OCRL: variants seen among roughly 807,000 people sequenced by gnomAD.
OCRL encodes the protein OCRL inositol polyphosphate-5-phosphatase.
Under a neutral mutation model 78.9 loss-of-function variants are expected in OCRL, and 8 were observed. That is an observed-to-expected ratio of 0.10 (90% CI 0.06 to 0.18). OCRL has a LOEUF of 0.18. Ranked by LOEUF, OCRL falls within the 10% of genes least tolerant of loss-of-function variation. OCRL has a pLI of 1.00. For synonymous variants in OCRL, 240 were observed against 235.4 expected (o/e 1.02, Z -0.18); for missense variants, 454 against 696.7 (o/e 0.65, Z 3.92).
At position 129,550,225 on chromosome X, in the gene OCRL, C is replaced by A. The variant is rs749616897; in HGVS notation, c.238+1624C>A. Among the ~76,000 whole-genome samples, 3 of 112,250 alleles carry A rather than the reference C, an allele frequency of 2.7e-5. No individual in the cohort carries two copies. The South Asian group carries it at 1.1e-3, about 41-fold the overall frequency. On this transcript the variant is annotated intron_variant, in intron 4 of 23. Coordinates refer to ENST00000371113, the MANE Select transcript of OCRL (RefSeq NM_000276.4). ...AAAGTATCAAATTAAGATTATTTTCCTGCAATCTAGAGATCACCACTGTGG... is the reference window on the plus strand; with the variant it reads ...AAAGTATCAAATTAAGATTATTTTCATGCAATCTAGAGATCACCACTGTGG...
intron 15 of OCRL, among the ~76,000 whole-genome samples, chrX:129,573,774 G>A (rs1374576087): frequency 3.6e-5 from 4 of 111,096 alleles, no homozygotes; most frequent in Admixed American, 9.5e-5. Context: ...TGGCTGGGGT[G>A]GTTTCGAACT....
chrX:129,541,133 G>A (rs1935792766), intron 2 of OCRL, among the ~76,000 whole-genome samples: 1 of 112,095 alleles, frequency 8.9e-6, no homozygotes, highest in Non-Finnish European at 1.9e-5. Flanking sequence ...AAGCTTTCTG[G>A]GCCAAAGTTA....
chrX:129,564,363 A>G (rs1331094167), intron 12 of OCRL, among the ~76,000 whole-genome samples: 1 of 110,142 alleles, frequency 9.1e-6, no homozygotes. Context: ...CAGCCATCCC[A>G]TTACTGGGTA....
intron 18 of OCRL, among the ~76,000 whole-genome samples, chrX:129,581,831 TTCTCTCTCTC>T (rs753415077): frequency 1.5e-5 from 1 of 65,598 alleles, no homozygotes; most frequent in Non-Finnish European, 2.5e-5. Context: ...CCCTTTGTCT[TTCTCTCTCTC>T]TCTCTCTCTC....
intron 14 of OCRL, 122 bp from the exon 15 acceptor site, chrX:129,569,139 AAGG>A (rs1665976961): frequency 3.9e-6 from 3 of 778,405 alleles, no homozygotes; most frequent in Non-Finnish European, 5.9e-6. Flanking sequence ...GTTGTTAGGG[AAGG>A]AGAAGTACAC....
At chrX:129,551,138 A>G (rs1312381418) in intron 4 of OCRL, among the ~76,000 whole-genome samples, 2 of 111,350 alleles carry the variant, frequency 1.8e-5, no homozygotes, top group Non-Finnish European at 3.8e-5. Flanking sequence ...TATTCAACAA[A>G]TATTTGTTGA....
At chrX:129,577,292 T>C (rs1341399636) in intron 18 of OCRL, among the ~76,000 whole-genome samples, 2 of 111,786 alleles carry the variant, frequency 1.8e-5, no homozygotes, top group African/African-American at 6.5e-5. Flanking sequence ...GGAGGTTGAT[T>C]TTCCCACCTC....
At chrX:129,567,588 G>A (rs1936234124) in intron 14 of OCRL, among the ~76,000 whole-genome samples, 1 of 112,327 alleles carries the variant, frequency 8.9e-6, no homozygotes, top group Non-Finnish European at 1.9e-5. Context: ...TGTCAAGATT[G>A]TTGAAGTTTT....
chrX:129,544,063 G>A (rs1032012701), intron 2 of OCRL, among the ~76,000 whole-genome samples: 21 of 110,384 alleles, frequency 1.9e-4, no homozygotes, highest in Non-Finnish European at 9.4e-5. Flanking sequence ...CATGGAGGAG[G>A]TGATATTTGA....
chrX:129,570,419 T>C (rs1386377859), intron 15 of OCRL, among the ~76,000 whole-genome samples: 1 of 112,028 alleles, frequency 8.9e-6, no homozygotes, highest in Non-Finnish European at 1.9e-5. Flanking sequence ...AGTTCGGACA[T>C]GTGAAGAGCA....
intron 14 of OCRL, among the ~76,000 whole-genome samples, chrX:129,568,271 A>T: frequency 9.0e-6 from 1 of 111,599 alleles, no homozygotes; most frequent in South Asian, 3.8e-4. Context: ...GTAAGTTCTT[A>T]GTGAGTATTT....
chrX:129,548,384 C>T (rs377371026), intron 3 of OCRL, among the ~76,000 whole-genome samples, 179 bp from the exon 4 acceptor site: 12 of 111,376 alleles, frequency 1.1e-4, no homozygotes, highest in African/African-American at 3.9e-4. Flanking sequence ...TCTTTAGAAC[C>T]CAGTGCTATA....
Position 129,540,261 on chromosome X carries a change from C to T in OCRL, c.-179C>T. On this transcript the variant is annotated 5_prime_UTR_variant, in exon 1 of 24. Coordinates refer to ENST00000371113, the MANE Select transcript of OCRL (RefSeq NM_000276.4). ...TGGCGGGGGCGCGAGGCGCCGCTCT[C>T]TCTTGGGTCAGATTCTCAGCTCCCA... is the stretch of plus-strand genomic sequence containing the variant. The T allele has an allele frequency of 1.9e-6, 1 of 523,781 alleles. No individual in the cohort carries two copies. Among genetic ancestry groups the T allele is most frequent in the South Asian group, 2.8e-5 (1 of 35,240 alleles). 43.2% of individuals were successfully genotyped at this position (523,781 alleles called of 1,213,427 possible). A position where few individuals can be genotyped will look rare whatever the true frequency, so the allele number is the denominator to read the frequency against.
At chrX:129,571,356 T>G (rs755971509) in intron 15 of OCRL, among the ~76,000 whole-genome samples, 302 of 106,059 alleles carry the variant, frequency 2.8e-3, no homozygotes, top group African/African-American at 9.9e-3. Context: ...TTGTTTTTTG[T>G]TTTTTGGTTT....
At chrX:129,566,610 T>G (rs1007632873) in intron 13 of OCRL, among the ~76,000 whole-genome samples, 3 of 112,470 alleles carry the variant, frequency 2.7e-5, no homozygotes, top group African/African-American at 9.7e-5. Context: ...TTTGACTTCA[T>G]TCGAATAATC....
At chrX:129,581,765 A>G (rs984637747) in intron 18 of OCRL, among the ~76,000 whole-genome samples, 3 of 96,988 alleles carry the variant, frequency 3.1e-5, no homozygotes, top group African/African-American at 1.2e-4. Flanking sequence ...AAAATTTTCC[A>G]TTATTAAGAT....
intron 23 of OCRL, 21 bp from the exon 24 acceptor site, chrX:129,590,125 T>C: frequency 8.3e-7 from 1 of 1,211,709 alleles, no homozygotes; most frequent in Admixed American, 2.2e-5. Context: ...AGTTTCCGCT[T>C]GTCTTTCTCT....
chrX:129,585,900 A>G (rs773776952), intron 19 of OCRL, among the ~76,000 whole-genome samples: 6 of 110,713 alleles, frequency 5.4e-5, no homozygotes, highest in Non-Finnish European at 1.1e-4. Context: ...TTTTCTTTTA[A>G]AGCTACGTGA....
intron 15 of OCRL, among the ~76,000 whole-genome samples, chrX:129,572,403 G>T (rs1053853769): frequency 1.8e-5 from 2 of 112,520 alleles, no homozygotes; most frequent in African/African-American, 6.5e-5. Context: ...AAATTCTTTG[G>T]GGTTCCCCCC....
Sources: allele counts gnomAD v4.1 joint callset (sites outside exome capture counted in the v4.1 genomes callset), GRCh38; gene constraint gnomAD v4.1.1; transcripts MANE v1.5; gene names NCBI Gene and HGNC (gene_info 2026-07-23, HGNC 2026-07-21).